Variants in RGS5 observed in about 807,000 individuals in gnomAD.
The protein encoded by RGS5 is regulator of G protein signaling 5, also known as regulator of G-protein signalling 5.
A neutral mutation model predicts 18.9 loss-of-function variants in RGS5; 20 were observed. The observed-to-expected ratio is 1.06, with a 90% CI of 0.74 to 1.54. The LOEUF (loss-of-function observed/expected upper bound fraction) is 1.54. Ranked by LOEUF, RGS5 falls within the 40% of genes most tolerant of loss-of-function variation. RGS5 has a pLI of 0.00. For missense variants in RGS5, 201 were observed against 211.8 expected (o/e 0.95, Z 0.32); for synonymous variants, 57 against 76.2 (o/e 0.75, Z 1.31).
intron 2 of RGS5, among the ~76,000 whole-genome samples, chr1:163,253,687 A>ATG (rs1411555400): frequency 1.1e-4 from 17 of 151,454 alleles, no homozygotes; most frequent in Non-Finnish European, 2.2e-4. Context: ...TTTAGGGTAC[A>ATG]TGTGCACAAT....
At chr1:163,319,676 T>G (rs965190032) in intron 1 of RGS5, among the ~76,000 whole-genome samples, 1 of 152,172 alleles carries the variant, frequency 6.6e-6, no homozygotes, top group Non-Finnish European at 1.5e-5. Context: ...CACAGGAAGT[T>G]TGGATGCTGA....
At chr1:163,288,597 G>A (rs1050954745) in intron 2 of RGS5, among the ~76,000 whole-genome samples, 2 of 152,036 alleles carry the variant, frequency 1.3e-5, no homozygotes, top group Admixed American at 6.6e-5. Flanking sequence ...TTCTCAATAA[G>A]TATGTGTTTG....
intron 2 of RGS5, among the ~76,000 whole-genome samples, chr1:163,162,538 A>AT (rs57059449): frequency 0.19 from 29,557 of 151,614 alleles, 4,539 homozygotes; most frequent in African/African-American, 0.43. Context: ...ACGTAGGCGC[A>AT]TTTTTCCTAC....
intron 1 of RGS5, among the ~76,000 whole-genome samples, chr1:163,180,858 C>A (rs1305830733): frequency 6.6e-6 from 1 of 151,814 alleles, no homozygotes; most frequent in Non-Finnish European, 1.5e-5. Context: ...CTACGCCCGG[C>A]TAATTTTTTG....
chr1:163,183,977 TCTC>T (rs1658963615), intron 1 of RGS5, among the ~76,000 whole-genome samples: 1 of 152,158 alleles, frequency 6.6e-6, no homozygotes, highest in Non-Finnish European at 1.5e-5. Flanking sequence ...CCTGAAAACT[TCTC>T]CTCAGCATTC....
intron 2 of RGS5, among the ~76,000 whole-genome samples, chr1:163,286,396 G>A (rs1165851021): frequency 6.6e-6 from 1 of 151,876 alleles, no homozygotes; most frequent in Non-Finnish European, 1.5e-5. Context: ...ACACATATAT[G>A]AATAGATCAT....
intron 2 of RGS5, among the ~76,000 whole-genome samples, chr1:163,232,765 AAG>A: frequency 6.6e-6 from 1 of 152,320 alleles, no homozygotes; most frequent in African/African-American, 2.4e-5. Flanking sequence ...GGTTTCAGAA[AAG>A]AGAGAATTCT....
intron 1 of RGS5, among the ~76,000 whole-genome samples, chr1:163,182,297 T>C (rs1315395387): frequency 6.6e-6 from 1 of 152,206 alleles, no homozygotes; most frequent in Non-Finnish European, 1.5e-5. Flanking sequence ...GGCCTCTTCA[T>C]TGGGAACTCC....
chr1:163,202,642 G>C (rs1179378155), intron 1 of RGS5, 150 bp downstream of exon 1: 4 of 604,908 alleles, frequency 6.6e-6, no homozygotes, highest in Admixed American at 5.8e-5. Flanking sequence ...ATTGTTTACA[G>C]AGAAGAGATA....
chr1:163,307,677 G>A (rs1178767999), intron 1 of RGS5, among the ~76,000 whole-genome samples: 1 of 152,052 alleles, frequency 6.6e-6, no homozygotes, highest in African/African-American at 2.4e-5. Context: ...GAGATCTGCG[G>A]CCAAAAGCAA....
chr1:163,165,730 A>G (rs746246496), intron 2 of RGS5, among the ~76,000 whole-genome samples: 7 of 151,944 alleles, frequency 4.6e-5, no homozygotes, highest in Non-Finnish European at 1.0e-4. Context: ...ACATGGAGAA[A>G]CCCTGTCTCT....
chr1:163,306,170 C>A (rs1033418772), intron 2 of RGS5: 11 of 152,166 alleles, frequency 7.2e-5, no homozygotes, highest in Admixed American at 5.9e-4. Flanking sequence ...TTAGAATTCA[C>A]AAACACTGTC....
At chr1:163,166,759 C>A (rs1658072062) in intron 2 of RGS5, among the ~76,000 whole-genome samples, 1 of 152,198 alleles carries the variant, frequency 6.6e-6, no homozygotes, top group South Asian at 2.1e-4. Context: ...GGGTTTCTTC[C>A]AGAACAGCTT....
Position 163,152,534 on chromosome 1 carries a change from C to G in RGS5, c.384+16G>C. ...AATGAGCTGCCCTTAACTGACCCAC[C>G]TACCCAGAGACCAACCTCTTTAGGA... On this transcript the variant is annotated intron_variant, in intron 4 of 4. Coordinates refer to ENST00000313961, the MANE Select transcript of RGS5 (RefSeq NM_003617.4). 1.2e-6 allele frequency: 2 copies of G among 1,602,892 alleles called. No individual in the cohort carries two copies. Among genetic ancestry groups the G allele is most frequent in the Non-Finnish European group, 1.7e-6 (2 of 1,175,376 alleles).
intron 1 of RGS5, among the ~76,000 whole-genome samples, chr1:163,209,443 T>C (rs1223791747): frequency 1.3e-5 from 2 of 152,208 alleles, no homozygotes; most frequent in Non-Finnish European, 2.9e-5. Context: ...AGGATTGTGT[T>C]AAATTTATAA....
At chr1:163,184,404 A>T (rs1364266829) in intron 1 of RGS5, among the ~76,000 whole-genome samples, 1 of 117,962 alleles carries the variant, frequency 8.5e-6, no homozygotes, top group Admixed American at 7.9e-5. Flanking sequence ...TCCCTCCAAA[A>T]AAAAAAAAAA....
At chr1:163,161,468 A>G (rs1320183410) in intron 3 of RGS5, among the ~76,000 whole-genome samples, 1 of 152,214 alleles carries the variant, frequency 6.6e-6, no homozygotes, top group Non-Finnish European at 1.5e-5. Flanking sequence ...ATGTCAGGTC[A>G]CAAGAGCAGT....
chr1:163,292,877 T>C (rs1329257225), intron 2 of RGS5, among the ~76,000 whole-genome samples: 5 of 152,076 alleles, frequency 3.3e-5, no homozygotes, highest in African/African-American at 9.7e-5. Flanking sequence ...TTTGGTTTTC[T>C]GGTAAATTTG....
At chr1:163,154,572 G>A (rs1657511032) in intron 3 of RGS5, among the ~76,000 whole-genome samples, 1 of 151,250 alleles carries the variant, frequency 6.6e-6, no homozygotes, top group South Asian at 2.1e-4. Context: ...AAGGGAAAAG[G>A]AAAACAAGGA....
Sources: allele counts gnomAD v4.1 joint callset (sites outside exome capture counted in the v4.1 genomes callset), GRCh38; gene constraint gnomAD v4.1.1; transcripts MANE v1.5; gene names NCBI Gene and HGNC (gene_info 2026-07-23, HGNC 2026-07-21).